The following NUDT5 variants were observed in gnomAD, a reference collection of about 807,000 sequenced individuals.
NUDT5 encodes nudix hydrolase 5, also known as ADP-sugar pyrophosphatase.
Under a neutral mutation model 34.1 loss-of-function variants are expected in NUDT5, and 21 were observed. The ratio of observed to expected loss-of-function variants is 0.62; its 90% CI spans 0.44 to 0.89. The LOEUF (loss-of-function observed/expected upper bound fraction) is 0.89, where lower values mean the gene tolerates loss of function less well. Among genes scored for constraint, NUDT5 ranks in the 40% least tolerant of loss-of-function variants. The pLI is 0.00. For synonymous variants in NUDT5, 85 were observed against 97.6 expected (o/e 0.87, Z 0.76); for missense variants, 249 against 274.8 (o/e 0.91, Z 0.66).
Position 12,173,727 on chromosome 10 carries a change from A to T in NUDT5, c.376T>A (p.Cys126Ser). ...TTCAAGCAATACCAACCTGGAGAAC[A>T]TTCGGCAATGTCCCCTTTGTAGCCA... The part of the protein sequence containing the change: ...ETGYKGDIAE[C>S]SPAVCMDPGL... The change falls in exon 6 of 10, where the codon TGT (cysteine) becomes AGT (serine). Residue 126 changes from cysteine to serine, a missense_variant. Physicochemically the swap from Cys to Ser is moderately radical, Grantham distance 112. Transcript: ENST00000491614. This position sits in a 1 kb window ranked among gnomAD's most constrained non-coding sequence, Gnocchi z 4.7. The T allele has an allele frequency of 6.2e-7, 1 of 1,613,376 alleles. No individual in the cohort carries two copies. The highest frequency in any genetic ancestry group is 1.1e-5 in the South Asian group (1 of 91,072).
rs527262947 is a variant in NUDT5, at chr10:12,175,655, G to A, written c.290-1842C>T. On this transcript the variant is annotated intron_variant, in intron 5 of 9. Transcript: ENST00000491614. This position sits in a 1 kb window ranked among gnomAD's most constrained non-coding sequence, Gnocchi z 4.8. ...AGACATAGTCTCAAAAAAAGAGCCC[G>A]GGCATGGCGGCTCACACCTGTAATC... 5.9e-5 allele frequency among the ~76,000 whole-genome samples: 9 copies of A among 151,980 alleles called. No homozygotes were observed. Among genetic ancestry groups the A allele is most frequent in the African/African-American group, 1.5e-4 (6 of 41,366 alleles).
Position 12,181,749 on chromosome 10 carries a change from T to C in NUDT5, c.132-2617A>G, listed in dbSNP as rs1835045179. 6.6e-6 allele frequency among the ~76,000 whole-genome samples: 1 copy of C among 151,772 alleles called. No homozygotes were observed. The highest frequency in any genetic ancestry group is 2.4e-5 in the African/African-American group (1 of 41,292). ...ACCCCAGCACTTTGGGAGGCCAAGG[T>C]AGGAGGACTGCTTGAGTTCAGGGGT... On this transcript the variant is annotated intron_variant, in intron 3 of 9. Coordinates refer to ENST00000491614, the MANE Select transcript of NUDT5 (RefSeq NM_014142.4). The surrounding 1 kb of genome is among the most constrained non-coding windows in gnomAD (Gnocchi z 5.0).
At position 12,170,160 on chromosome 10, in the gene NUDT5, A is replaced by T. The variant is rs780327529; in HGVS notation, c.550+557T>A. ...AAGCTTACTGTTTACAAAGTCTCTA[A>T]AAGATGGGTGGCCAAGAATTATACA... On this transcript the variant is annotated intron_variant, in intron 9 of 9. Transcript: ENST00000491614. This position sits in a 1 kb window ranked among gnomAD's most constrained non-coding sequence, Gnocchi z 4.9. 1 of 1,612,672 alleles carries T rather than the reference A, an allele frequency of 6.2e-7. No homozygotes were observed. Among genetic ancestry groups the T allele is most frequent in the South Asian group, 1.1e-5 (1 of 91,078 alleles).
intron 3 of NUDT5, among the ~76,000 whole-genome samples, chr10:12,183,603 C>T (rs1835079061): frequency 6.6e-6 from 1 of 152,170 alleles, no homozygotes; most frequent in Non-Finnish European, 1.5e-5. Flanking sequence ...ATTTCATCCT[C>T]ATTCTGTTGT....
At position 12,171,082 on chromosome 10, in the gene NUDT5, A is replaced by G. The variant is rs1267501278; in HGVS notation, c.488-174T>C. ...GCAGTATGAAGTTATTGTTCTCCAC[A>G]TAATGTTAAGTAGCAAAATTTAAAG... On this transcript the variant is annotated intron_variant, in intron 7 of 9. Coordinates refer to ENST00000491614, the MANE Select transcript of NUDT5 (RefSeq NM_014142.4). The surrounding 1 kb of genome is among the most constrained non-coding windows in gnomAD (Gnocchi z 4.2). Among the ~76,000 whole-genome samples the G allele has an allele frequency of 6.6e-6, 1 of 152,250 alleles. No individual in the cohort carries two copies. The highest frequency in any genetic ancestry group is 2.4e-5 in the African/African-American group (1 of 41,476).
intron 1 of NUDT5, among the ~76,000 whole-genome samples, chr10:12,190,895 C>A (rs917509802): frequency 1.3e-5 from 2 of 152,002 alleles, no homozygotes; most frequent in African/African-American, 4.8e-5. Flanking sequence ...AGGGGTGAGC[C>A]ATCACACCCA....
rs1366222726 is a variant in NUDT5, at chr10:12,173,178, C to T, written c.386-312G>A. On this transcript the variant is annotated intron_variant, in intron 6 of 9. Coordinates refer to ENST00000491614, the MANE Select transcript of NUDT5 (RefSeq NM_014142.4). The surrounding 1 kb of genome is among the most constrained non-coding windows in gnomAD (Gnocchi z 4.7). ...GTAGCACATGCATGAGATGGGTGAG[C>T]AATAAAACTCAGGGGGTAGGAAATT... 6.6e-6 allele frequency among the ~76,000 whole-genome samples: 1 copy of T among 152,132 alleles called. No individual in the cohort carries two copies. Among genetic ancestry groups the T allele is most frequent in the East Asian group, 1.9e-4 (1 of 5,188 alleles).
At chr10:12,180,676 G>C (rs1835027980) in intron 3 of NUDT5, among the ~76,000 whole-genome samples, 1 of 152,232 alleles carries the variant, frequency 6.6e-6, no homozygotes, top group African/African-American at 2.4e-5. Context: ...CTGACTGGAA[G>C]TCAGCTCTTC....
At position 12,182,582 on chromosome 10, in the gene NUDT5, T is replaced by C. The variant is rs1835059485; in HGVS notation, c.131+2307A>G. Among the ~76,000 whole-genome samples, 1 of 152,168 alleles carries C rather than the reference T, an allele frequency of 6.6e-6. No individual in the cohort carries two copies. On this transcript the variant is annotated intron_variant, in intron 3 of 9. Transcript: ENST00000491614. The surrounding 1 kb of genome is among the most constrained non-coding windows in gnomAD (Gnocchi z 4.3). ...TAGTTTGGTGGATTTTAGAGCCTACTCCCAATCTACTGAAATAGATATTCT... is the reference window on the plus strand; with the variant it reads ...TAGTTTGGTGGATTTTAGAGCCTACCCCCAATCTACTGAAATAGATATTCT...
In NUDT5 at chr10:12,171,110, T is replaced by C. The variant is rs1834843380; in HGVS notation, c.488-202A>G. 6.6e-6 allele frequency among the ~76,000 whole-genome samples: 1 copy of C among 152,224 alleles called. No homozygotes were observed. The highest frequency in any genetic ancestry group is 2.4e-5 in the African/African-American group (1 of 41,456). On this transcript the variant is annotated intron_variant, in intron 7 of 9. Coordinates refer to ENST00000491614, the MANE Select transcript of NUDT5 (RefSeq NM_014142.4). The surrounding 1 kb of genome is among the most constrained non-coding windows in gnomAD (Gnocchi z 4.2). The stretch of plus-strand genomic sequence containing the variant: ...ATGTTAAGTAGCAAAATTTAAAGCA[T>C]ATTCGATAGTATGTATATTTTTATA...
At chr10:12,193,543 GACTTC>G (rs1345836325) in intron 1 of NUDT5, among the ~76,000 whole-genome samples, 1 of 152,174 alleles carries the variant, frequency 6.6e-6, no homozygotes, top group East Asian at 1.9e-4. Context: ...TGAATACAAT[GACTTC>G]ATGGCTTAGT....
chr10:12,178,288 C>T (rs764585292), intron 4 of NUDT5, among the ~76,000 whole-genome samples: 1 of 151,498 alleles, frequency 6.6e-6, no homozygotes, highest in Non-Finnish European at 1.5e-5. Context: ...CAACTTTGAG[C>T]AAGAAATCAA....
Position 12,169,792 on chromosome 10 carries a change from G to A in NUDT5, c.550+925C>T, listed in dbSNP as rs1200839045. 1 of 274,970 alleles carries A rather than the reference G, an allele frequency of 3.6e-6. No homozygotes were observed. Among genetic ancestry groups the A allele is most frequent in the Non-Finnish European group, 6.8e-6 (1 of 148,144 alleles). 17.0% of individuals were successfully genotyped at this position (274,970 alleles called of 1,614,324 possible). A position where few individuals can be genotyped will look rare whatever the true frequency, so the allele number is the denominator to read the frequency against. On this transcript the variant is annotated intron_variant, in intron 9 of 9. Transcript: ENST00000491614. The surrounding 1 kb of genome is among the most constrained non-coding windows in gnomAD (Gnocchi z 4.8). ...AAACCAGGCGCTCTGCTTATTCACT[G>A]AAACCGTAAGCTGCTGAAACTCAGG...
At chr10:12,176,981 G>A (rs973439141) in intron 5 of NUDT5, among the ~76,000 whole-genome samples, 3 of 152,080 alleles carry the variant, frequency 2.0e-5, no homozygotes, top group South Asian at 4.2e-4. Context: ...TATTAGCCAC[G>A]TGTGGTGACA....
chr10:12,191,199 T>C (rs930221109), intron 1 of NUDT5, among the ~76,000 whole-genome samples: 3 of 151,958 alleles, frequency 2.0e-5, no homozygotes, highest in East Asian at 3.9e-4. Context: ...CTGGCTAACA[T>C]GGTGAAACCC....
In NUDT5 at chr10:12,172,816, C is replaced by T; in HGVS notation, c.436G>A (p.Val146Ile). The T allele has an allele frequency of 1.2e-6, 2 of 1,614,216 alleles. No individual in the cohort carries two copies. Among genetic ancestry groups the T allele is most frequent in the Non-Finnish European group, 1.7e-6 (2 of 1,180,016 alleles). Residue 146 changes from valine (V) to isoleucine (I), a missense_variant, in exon 7 of 10, where the codon GTC (valine) becomes ATC (isoleucine). Physicochemically the swap from Val to Ile is conservative, Grantham distance 29 (BLOSUM62 3). Transcript: ENST00000491614. ...TCGGCATCATCTCCGTTAATGGTGA[C>T]TGTCACGATGTGTATAGTACAGTTT... ...LSNCTIHIVT[V>I]TINGDDAENA... is the part of the protein sequence containing the mutation.
At chr10:12,195,552 C>T (rs985018490) in intron 1 of NUDT5, among the ~76,000 whole-genome samples, 2 of 152,212 alleles carry the variant, frequency 1.3e-5, no homozygotes, top group South Asian at 2.1e-4. Flanking sequence ...TGTGGTGTTC[C>T]CCGCTTTCTT....
intron 1 of NUDT5, among the ~76,000 whole-genome samples, chr10:12,192,226 C>T (rs780297435): frequency 7.9e-5 from 12 of 151,422 alleles, no homozygotes; most frequent in East Asian, 1.9e-4. Flanking sequence ...ATCGCTTGAA[C>T]GAGGGAGGTG....
At chr10:12,180,130 A>C (rs899857699) in intron 3 of NUDT5, among the ~76,000 whole-genome samples, 15 of 152,212 alleles carry the variant, frequency 9.9e-5, no homozygotes, top group Non-Finnish European at 1.8e-4. Context: ...CTGTCCTTAA[A>C]ATTTGGACCT....
Sources: allele counts gnomAD v4.1 joint callset (sites outside exome capture counted in the v4.1 genomes callset), GRCh38; gene constraint gnomAD v4.1.1; non-coding constraint Gnocchi (gnomAD v3.1); transcripts MANE v1.5; gene names NCBI Gene and HGNC (gene_info 2026-07-23, HGNC 2026-07-21).